Variants in SAMMSON observed in about 807,000 individuals in gnomAD.
The protein encoded by SAMMSON is survival associated mitochondrial melanoma specific oncogenic non-coding RNA.
chr3:70,176,803 A>G (rs894281351), intron 4 of SAMMSON, among the ~76,000 whole-genome samples: 1 of 152,202 alleles, frequency 6.6e-6, no homozygotes, highest in South Asian at 2.1e-4. Flanking sequence ...GTTAAATAAG[A>G]GTATAAAAAG....
At chr3:70,195,705 A>G (rs1232612506) in intron 4 of SAMMSON, among the ~76,000 whole-genome samples, 1 of 152,188 alleles carries the variant, frequency 6.6e-6, no homozygotes, top group Non-Finnish European at 1.5e-5. Context: ...TTTTATATTC[A>G]GTGAAAATAT....
chr3:70,040,272 C>A (rs2067101302), intron 3 of SAMMSON, among the ~76,000 whole-genome samples: 1 of 152,128 alleles, frequency 6.6e-6, no homozygotes, highest in African/African-American at 2.4e-5. Flanking sequence ...CTGTGCCAGA[C>A]AGTGGGTTAA....
chr3:70,349,266 C>A (rs779834348), intron 7 of SAMMSON, among the ~76,000 whole-genome samples: 1 of 151,942 alleles, frequency 6.6e-6, no homozygotes, highest in East Asian at 1.9e-4. Context: ...CCCAGCTACT[C>A]GGGAGGCTGG....
chr3:70,339,859 A>G (rs912930624), intron 7 of SAMMSON, among the ~76,000 whole-genome samples: 1 of 152,162 alleles, frequency 6.6e-6, no homozygotes, highest in Non-Finnish European at 1.5e-5. Context: ...TTCTTCAAGG[A>G]TCTAGAACTG....
rs550782176 is a variant in SAMMSON, at chr3:70,371,524, T to C, written n.913+13200T>C. Among the ~76,000 whole-genome samples the C allele has an allele frequency of 3.7e-4, 56 of 152,190 alleles. No individual in the cohort carries two copies. In the South Asian group the frequency reaches 9.7e-3, roughly 26 times the overall value. On this transcript the variant is annotated intron_variant and non_coding_transcript_variant, in intron 9 of 9. Transcript: ENST00000642114. The stretch of plus-strand genomic sequence containing the variant: ...TGTAGTTTTTGTTATTTTTCTTTTT[T>C]TGTTGTTTTTGTTTTGTAGAGGTCT...
chr3:70,205,607 A>C (rs558960691), intron 4 of SAMMSON: 1 of 152,188 alleles, frequency 6.6e-6, no homozygotes, highest in African/African-American at 2.4e-5. Context: ...TCATATAATC[A>C]GAGACTAAAA....
intron 6 of SAMMSON, among the ~76,000 whole-genome samples, chr3:70,250,445 A>T (rs186397342): frequency 6.6e-6 from 1 of 150,696 alleles, no homozygotes; most frequent in African/African-American, 2.4e-5. Flanking sequence ...ACACACACAC[A>T]CACACAAACA....
chr3:70,029,667 A>T (rs2067057016), intron 3 of SAMMSON, among the ~76,000 whole-genome samples: 1 of 151,642 alleles, frequency 6.6e-6, no homozygotes. Context: ...AGGCACAAGA[A>T]TCACTTGAAC....
At position 70,209,760 on chromosome 3, in the gene SAMMSON, C is replaced by G. The variant is rs4527342; in HGVS notation, n.508-39347C>G. Among the ~76,000 whole-genome samples, 833 of 152,202 alleles carry G rather than the reference C, an allele frequency of 5.5e-3. 6 individuals carry two copies. Among genetic ancestry groups the G allele is most frequent in the African/African-American group, 0.019 (780 of 41,542 alleles). On this transcript the variant is annotated intron_variant and non_coding_transcript_variant, in intron 4 of 9. Coordinates refer to ENST00000642114, the Ensembl canonical transcript of SAMMSON. ...TGCTGAGACTGCACATCAGCAAAAC[C>G]TCCTCACCCTAAATACTGTGATGTG...
At chr3:70,080,594 C>G (rs545568568) in intron 4 of SAMMSON, among the ~76,000 whole-genome samples, 89 of 152,198 alleles carry the variant, frequency 5.8e-4, no homozygotes, top group African/African-American at 2.1e-3. Context: ...TGTCCCCCTC[C>G]TCCCTCCAAA....
chr3:70,406,328 A>T (rs1701177649), intron 2 of SAMMSON, among the ~76,000 whole-genome samples: 1 of 152,202 alleles, frequency 6.6e-6, no homozygotes, highest in Non-Finnish European at 1.5e-5. Flanking sequence ...TCCATATCCT[A>T]TGAAAATATT....
chr3:70,116,561 G>A (rs2067412606), intron 4 of SAMMSON, among the ~76,000 whole-genome samples: 1 of 151,616 alleles, frequency 6.6e-6, no homozygotes. Context: ...AAATGAAAAT[G>A]TATTCTTAAA....
At chr3:70,418,337 T>G (rs1215880953) in intron 2 of SAMMSON, among the ~76,000 whole-genome samples, 2 of 152,238 alleles carry the variant, frequency 1.3e-5, no homozygotes, top group Non-Finnish European at 2.9e-5. Context: ...GGTTACTCTC[T>G]GTTCATTTTA....
chr3:70,018,812 T>A (rs1194610874), intron 3 of SAMMSON, among the ~76,000 whole-genome samples: 3 of 152,226 alleles, frequency 2.0e-5, no homozygotes, highest in African/African-American at 7.2e-5. Flanking sequence ...AAAGAACATC[T>A]TTATTTCTGC....
rs2067460257 is a variant in SAMMSON, at chr3:70,126,675, G to T, written n.507+55110G>T. The stretch of plus-strand genomic sequence containing the variant: ...CTGTCAAGATTAATTGTGAAAAGCT[G>T]GGCAAGGCTAAGAAGTTAGGTTTTG... On this transcript the variant is annotated intron_variant and non_coding_transcript_variant, in intron 4 of 9. Transcript: ENST00000642114. 5.0e-5 allele frequency: 14 copies of T among 281,994 alleles called. No homozygotes were observed. In the South Asian group the frequency reaches 6.3e-4, roughly 13 times the overall value. 17.5% of individuals were successfully genotyped at this position (281,994 alleles called of 1,614,324 possible).
intron 4 of SAMMSON, among the ~76,000 whole-genome samples, chr3:70,083,276 A>ATGGGGG (rs2067273073): frequency 6.6e-6 from 1 of 152,120 alleles, no homozygotes; most frequent in Non-Finnish European, 1.5e-5. Context: ...CTATAACGTA[A>ATGGGGG]ATACTTATGG....
At chr3:70,380,539 CTTTTTT>C (rs529141598) in intron 9 of SAMMSON, among the ~76,000 whole-genome samples, 3 of 151,678 alleles carry the variant, frequency 2.0e-5, no homozygotes, top group Admixed American at 6.6e-5. Context: ...TCTTTTTTTT[CTTTTTT>C]TATTTTTTAA....
At chr3:70,119,359 C>G (rs907741564) in intron 4 of SAMMSON, among the ~76,000 whole-genome samples, 3 of 152,126 alleles carry the variant, frequency 2.0e-5, no homozygotes, top group African/African-American at 7.2e-5. Flanking sequence ...GAGCCACTGC[C>G]CCCTGACCGC....
chr3:70,242,677 A>G (rs1444640908), intron 4 of SAMMSON, among the ~76,000 whole-genome samples: 9 of 152,220 alleles, frequency 5.9e-5, no homozygotes, highest in Non-Finnish European at 1.5e-5. Flanking sequence ...AAAAATGTGT[A>G]TATCTATCGA....
Sources: gnomAD v4.1 joint callset for allele counts (sites outside exome capture counted in the v4.1 genomes callset) on GRCh38, gnomAD v4.1.1 for gene constraint, MANE v1.5 for transcripts, NCBI Gene and HGNC (gene_info 2026-07-23, HGNC 2026-07-21) for gene names.